Variants in TEX9 observed in about 807,000 individuals in gnomAD.
TEX9 encodes the protein testis expressed 9, also known as testis-expressed protein 9.
A neutral mutation model predicts 59.6 loss-of-function variants in TEX9; 74 were observed. That is an observed-to-expected ratio of 1.24 (90% CI 1.03 to 1.51). TEX9 has a LOEUF of 1.51. TEX9 is among the 40% of genes most tolerant of loss of function. TEX9 has a pLI of 0.00. For synonymous variants in TEX9, 186 were observed against 152.2 expected (o/e 1.22, Z -1.64); for missense variants, 522 against 447.8 (o/e 1.17, Z -1.49).
At chr15:56,339,405 A>AACGAAC (rs1234095165) in intron 1 of TEX9, among the ~76,000 whole-genome samples, 1 of 115,694 alleles carries the variant, frequency 8.6e-6, no homozygotes, top group East Asian at 2.4e-4. Context: ...AAAAAAAAAA[A>AACGAAC]AAAAAAAAAC....
At chr15:56,257,174 T>C (rs1054214555) in intron 1 of TEX9, among the ~76,000 whole-genome samples, 1 of 152,180 alleles carries the variant, frequency 6.6e-6, no homozygotes, top group Non-Finnish European at 1.5e-5. Flanking sequence ...ACATTTTCTT[T>C]ACCCAGTCTA....
intron 1 of TEX9, among the ~76,000 whole-genome samples, chr15:56,323,996 AT>A (rs2045963179): frequency 6.6e-6 from 1 of 152,104 alleles, no homozygotes; most frequent in African/African-American, 2.4e-5. Flanking sequence ...CCCTGGTAGT[AT>A]TTTCCATAGC....
chr15:56,419,590 G>T (rs1236855403), intron 10 of TEX9, among the ~76,000 whole-genome samples: 1 of 151,696 alleles, frequency 6.6e-6, no homozygotes, highest in Non-Finnish European at 1.5e-5. Context: ...ATTGCACTTG[G>T]TGATGGTGTG....
At chr15:56,309,698 T>TTTTTTTG (rs1567080495) in intron 1 of TEX9, among the ~76,000 whole-genome samples, 6 of 115,242 alleles carry the variant, frequency 5.2e-5, no homozygotes, top group Non-Finnish European at 1.1e-4. Flanking sequence ...GGGAAGTTTT[T>TTTTTTTG]TTTTTTTTTT....
At chr15:56,277,999 C>G (rs1431910231) in intron 1 of TEX9, among the ~76,000 whole-genome samples, 1 of 151,972 alleles carries the variant, frequency 6.6e-6, no homozygotes, top group Non-Finnish European at 1.5e-5. Flanking sequence ...TTTGGTTTCC[C>G]CTTTCCACGA....
chr15:56,460,009 A>AAAAATATATATATAT, the TEX9 span, among the ~76,000 whole-genome samples: 4 of 26,406 alleles, frequency 1.5e-4, 1 homozygote, highest in Non-Finnish European at 2.1e-4. Context: ...AAAAAAAAAA[A>AAAAATATATATATAT]ATACATATAT....
the TEX9 span, among the ~76,000 whole-genome samples, chr15:56,452,811 C>T: frequency 6.6e-6 from 1 of 152,140 alleles, no homozygotes; most frequent in Non-Finnish European, 1.5e-5. Flanking sequence ...AGCCACCGCA[C>T]CCGGCCTAAT....
At chr15:56,310,989 C>T (rs1412936436) in intron 1 of TEX9, among the ~76,000 whole-genome samples, 5 of 152,104 alleles carry the variant, frequency 3.3e-5, no homozygotes, top group African/African-American at 1.2e-4. Flanking sequence ...CTCAGACGAA[C>T]ACCCTCTCAA....
chr15:56,373,695 C>T (rs1190358722), intron 3 of TEX9, among the ~76,000 whole-genome samples, 191 bp downstream of exon 3: 1 of 152,090 alleles, frequency 6.6e-6, no homozygotes, highest in Non-Finnish European at 1.5e-5. Context: ...TTAGTAAGCA[C>T]ACATTTTCTA....
At chr15:56,407,647 A>C (rs1007743609) in intron 9 of TEX9, among the ~76,000 whole-genome samples, 1 of 152,126 alleles carries the variant, frequency 6.6e-6, no homozygotes, top group East Asian at 1.9e-4. Context: ...TCTCAGGTAT[A>C]ATGCATTTGC....
intron 1 of TEX9, among the ~76,000 whole-genome samples, chr15:56,336,804 T>G (rs1787198071): frequency 6.6e-6 from 1 of 152,116 alleles, no homozygotes; most frequent in South Asian, 2.1e-4. Flanking sequence ...GCCCTTATAC[T>G]CCTACATCAG....
intron 1 of TEX9, chr15:56,323,659 TGAAGA>T (rs1315895100): frequency 1.4e-5 from 2 of 141,364 alleles, no homozygotes; most frequent in Admixed American, 1.6e-4. Context: ...AGGAACAAGA[TGAAGA>T]GGAGGAAGAG....
At chr15:56,250,267 G>A (rs573441593) in intron 1 of TEX9, among the ~76,000 whole-genome samples, 16 of 152,338 alleles carry the variant, frequency 1.1e-4, no homozygotes, top group East Asian at 1.9e-4. Flanking sequence ...AGTGAATGGC[G>A]TAGCTAATAA....
At chr15:56,442,229 T>C (rs2050828045) in intron 12 of TEX9, among the ~76,000 whole-genome samples, 1 of 151,866 alleles carries the variant, frequency 6.6e-6, no homozygotes, top group Non-Finnish European at 1.5e-5. Flanking sequence ...CACAAAAGAA[T>C]GGATGCTGAC....
intron 1 of TEX9, among the ~76,000 whole-genome samples, chr15:56,291,474 G>A (rs1483149587): frequency 6.6e-6 from 1 of 152,086 alleles, no homozygotes; most frequent in East Asian, 1.9e-4. Context: ...TATACAGCAT[G>A]ATGTTTTGAT....
At chr15:56,336,472 C>T (rs566729765) in intron 1 of TEX9, among the ~76,000 whole-genome samples, 23 of 152,170 alleles carry the variant, frequency 1.5e-4, no homozygotes, top group Admixed American at 7.9e-4. Flanking sequence ...ATCTGCAATC[C>T]GGAAGAGGGC....
chr15:56,401,263 C>T (rs150002916), intron 9 of TEX9, among the ~76,000 whole-genome samples: 1 of 121,330 alleles, frequency 8.2e-6, no homozygotes, highest in Admixed American at 1.1e-4. Flanking sequence ...CACACACAGG[C>T]TCAAAATAAA....
At chr15:56,454,352 C>T in the TEX9 span, among the ~76,000 whole-genome samples, 1 of 103,026 alleles carries the variant, frequency 9.7e-6, no homozygotes, top group Non-Finnish European at 2.1e-5. Context: ...ATTTGTGTTA[C>T]AAACAATCCA....
chr15:56,394,675 G>T, exon 9 of TEX9: 1 of 1,594,864 alleles, frequency 6.3e-7, no homozygotes, highest in Non-Finnish European at 8.6e-7. Flanking sequence ...ATGAAATTCA[G>T]AATTTAAAGT....
Sources: gnomAD v4.1 joint callset for allele counts (sites outside exome capture counted in the v4.1 genomes callset) on GRCh38, gnomAD v4.1.1 for gene constraint, MANE v1.5 for transcripts, NCBI Gene and HGNC (gene_info 2026-07-23, HGNC 2026-07-21) for gene names.